The following FRMD3 variants were observed in gnomAD, a reference collection of about 807,000 sequenced individuals.
FRMD3 encodes the protein FERM domain-containing protein 3.
FRMD3 carries 33 observed loss-of-function variants against 70.2 expected under a neutral mutation model. The ratio of observed to expected loss-of-function variants is 0.47; its 90% CI spans 0.36 to 0.63. The LOEUF is 0.63. FRMD3 is among the 20% of genes least tolerant of loss of function. The pLI is 0.00. For missense variants in FRMD3, 632 were observed against 711.4 expected (o/e 0.89, Z 1.27); for synonymous variants, 279 against 255.9 (o/e 1.09, Z -0.86).
chr9:83,323,738 A>C (rs1835902084), intron 6 of FRMD3, among the ~76,000 whole-genome samples: 1 of 152,220 alleles, frequency 6.6e-6, no homozygotes, highest in African/African-American at 2.4e-5. Flanking sequence ...ACAGGCTAAA[A>C]TACCAGATAT....
At chr9:83,511,119 G>C (rs115253352) in intron 1 of FRMD3, among the ~76,000 whole-genome samples, 2 of 152,202 alleles carry the variant, frequency 1.3e-5, no homozygotes, top group African/African-American at 2.4e-5. Context: ...TGATCTCTTT[G>C]AGAAGTTTTT....
At position 83,246,825 on chromosome 9, in the gene FRMD3, G is replaced by A. The variant is rs1832128912; in HGVS notation, c.*1093C>T. The A allele has an allele frequency of 3.0e-6, 3 of 985,214 alleles. No homozygotes were observed. The highest frequency in any genetic ancestry group is 3.6e-6 in the Non-Finnish European group (3 of 829,862). 61.0% of individuals were successfully genotyped at this position (985,214 alleles called of 1,614,324 possible). ...ACATGTTCATGTTAACTCAGACAGCGACTGCACTGCTCTTCACATCATCGA... is the reference window on the plus strand; with the variant it reads ...ACATGTTCATGTTAACTCAGACAGCAACTGCACTGCTCTTCACATCATCGA... On this transcript the variant is annotated 3_prime_UTR_variant, in exon 14 of 14. Transcript: ENST00000304195.
intron 12 of FRMD3, among the ~76,000 whole-genome samples, chr9:83,293,847 C>T (rs1834548967): frequency 6.6e-6 from 1 of 152,180 alleles, no homozygotes; most frequent in Admixed American, 6.5e-5. Flanking sequence ...TAATATGACT[C>T]AGAGAAGAAC....
chr9:83,269,610 G>A (rs1480128240), intron 13 of FRMD3, among the ~76,000 whole-genome samples: 1 of 152,104 alleles, frequency 6.6e-6, no homozygotes, highest in African/African-American at 2.4e-5. Context: ...TCGGGAGGCT[G>A]AGGCAGGAGA....
chr9:83,501,585 C>T (rs895225911), intron 1 of FRMD3, among the ~76,000 whole-genome samples: 10 of 152,248 alleles, frequency 6.6e-5, no homozygotes, highest in African/African-American at 2.4e-4. Flanking sequence ...AAAAATGATA[C>T]AAATGTGTTG....
chr9:83,331,321 A>C (rs1360051303), intron 6 of FRMD3, among the ~76,000 whole-genome samples: 2 of 152,252 alleles, frequency 1.3e-5, no homozygotes, highest in East Asian at 3.8e-4. Flanking sequence ...ACTTAAATGC[A>C]TATTACTGAG....
chr9:83,308,193 T>C (rs979345858), intron 10 of FRMD3, among the ~76,000 whole-genome samples: 1 of 152,154 alleles, frequency 6.6e-6, no homozygotes, highest in Non-Finnish European at 1.5e-5. Context: ...AGGAAAGGCA[T>C]AGGCAACCTG....
Position 83,262,695 on chromosome 9 carries a change from T to C in FRMD3, c.1196-14179A>G, listed in dbSNP as rs531382861. ...TTCCCATATGTGTCATGCTATGTCA[T>C]GCCTCTGTGTCTTTGCACAGACTGC... On this transcript the variant is annotated intron_variant, in intron 13 of 13. Transcript: ENST00000304195. Among the ~76,000 whole-genome samples the C allele has an allele frequency of 3.3e-5, 5 of 152,334 alleles. No individual in the cohort carries two copies. The East Asian group carries it at 9.6e-4, about 29-fold the overall frequency.
At position 83,247,635 on chromosome 9, in the gene FRMD3, TTATGA is replaced by T. The variant is rs1375758302; in HGVS notation, c.*278_*282del. 3.6e-6 allele frequency: 4 copies of T among 1,096,448 alleles called. No individual in the cohort carries two copies. Among genetic ancestry groups the T allele is most frequent in the African/African-American group, 3.3e-5 (2 of 61,102 alleles). The allele number at this position is 1,096,448 out of a possible 1,614,324, so 67.9% of individuals were successfully genotyped here. On this transcript the variant is annotated 3_prime_UTR_variant, in exon 14 of 14. Transcript: ENST00000304195. ...CTAATTCAGTCCAATGTAACATGTA[TTATGA>T]TATAATAGATGAAGGGTATGTCTAC...
chr9:83,349,295 C>T (rs1471726946), intron 4 of FRMD3, among the ~76,000 whole-genome samples: 2 of 152,242 alleles, frequency 1.3e-5, no homozygotes, highest in South Asian at 2.1e-4. Context: ...ATGCATTCTG[C>T]CAGGCGATCT....
chr9:83,267,255 C>T (rs1833310789), intron 13 of FRMD3: 1 of 1,507,484 alleles, frequency 6.6e-7, no homozygotes, highest in Non-Finnish European at 8.9e-7. Context: ...AATCAAATGT[C>T]AGGTTCCTAA....
At chr9:83,309,683 G>GT in intron 9 of FRMD3, 59 bp from the exon 10 acceptor site, 1 of 1,101,286 alleles carries the variant, frequency 9.1e-7, no homozygotes, top group Non-Finnish European at 1.3e-6. Context: ...CATTTTCCAT[G>GT]GGTTTTTTTT....
intron 2 of FRMD3, among the ~76,000 whole-genome samples, chr9:83,379,559 C>CTTTGATT: frequency 6.6e-6 from 1 of 152,178 alleles, no homozygotes; most frequent in East Asian, 1.9e-4. Flanking sequence ...AAGCTAAGAC[C>CTTTGATT]CCATCATTGA....
At chr9:83,297,056 C>A (rs995008746) in intron 12 of FRMD3, among the ~76,000 whole-genome samples, 1 of 152,078 alleles carries the variant, frequency 6.6e-6, no homozygotes, top group African/African-American at 2.4e-5. Flanking sequence ...TTATTCAAAC[C>A]AAAATTTACA....
intron 1 of FRMD3, among the ~76,000 whole-genome samples, chr9:83,483,887 T>C (rs1474662549): frequency 6.6e-6 from 1 of 152,062 alleles, no homozygotes; most frequent in Admixed American, 6.6e-5. Context: ...GTGTTGGCTA[T>C]AAGGAATCCA....
At chr9:83,297,781 A>G in intron 12 of FRMD3, 1 of 471,736 alleles carries the variant, frequency 2.1e-6, no homozygotes, top group South Asian at 1.5e-5. Context: ...TCACCAAGTC[A>G]CCCCAAAGCA....
intron 1 of FRMD3, among the ~76,000 whole-genome samples, chr9:83,406,979 C>T (rs1826122431): frequency 1.3e-5 from 2 of 152,278 alleles, no homozygotes; most frequent in Middle Eastern, 3.4e-3. Context: ...TGAATAAAGC[C>T]CTTCTCACCA....
At chr9:83,450,174 C>T (rs1270983718) in intron 1 of FRMD3, among the ~76,000 whole-genome samples, 2 of 151,190 alleles carry the variant, frequency 1.3e-5, no homozygotes, top group African/African-American at 4.9e-5. Context: ...GCCCCACCTC[C>T]AGGAGCACAG....
chr9:83,561,911 C>T, the FRMD3 span, among the ~76,000 whole-genome samples: 1 of 152,198 alleles, frequency 6.6e-6, no homozygotes, highest in Non-Finnish European at 1.5e-5. Flanking sequence ...CTAAGCTGCA[C>T]CACAATTCAC....
Sources: allele counts gnomAD v4.1 joint callset (sites outside exome capture counted in the v4.1 genomes callset), GRCh38; gene constraint gnomAD v4.1.1; transcripts MANE v1.5; gene names NCBI Gene and HGNC (gene_info 2026-07-23, HGNC 2026-07-21).